Variants in NADSYN1 observed in about 807,000 individuals in gnomAD.
NADSYN1 encodes the protein NAD synthetase 1, also known as glutamine-dependent NAD(+) synthetase.
Under a neutral mutation model 99.3 loss-of-function variants are expected in NADSYN1, and 80 were observed. The ratio of observed to expected loss-of-function variants is 0.81; its 90% CI spans 0.67 to 0.97. The LOEUF is 0.97. NADSYN1 is among the 50% of genes least tolerant of loss of function. The probability of loss-of-function intolerance (pLI) is 0.00; values close to 1 mark genes in which losing one functional copy is unlikely to be tolerated. For synonymous variants in NADSYN1, 385 were observed against 372.1 expected (o/e 1.03, Z -0.40); for missense variants, 859 against 948.5 (o/e 0.91, Z 1.24).
chr11:71,491,072 TC>T, intron 17 of NADSYN1, 96 bp downstream of exon 17: 2 of 1,511,942 alleles, frequency 1.3e-6, no homozygotes, highest in Non-Finnish European at 1.8e-6. Flanking sequence ...CCTTCGTAGC[TC>T]CTGTTGCCTG....
chr11:71,476,592 G>A (rs1949667758), intron 9 of NADSYN1: 2 of 940,182 alleles, frequency 2.1e-6, no homozygotes, highest in South Asian at 4.7e-5. Context: ...TCGACTCCAG[G>A]CCCTGCTTTC....
At chr11:71,453,420 G>T (rs776839115) in intron 1 of NADSYN1, 39 bp downstream of exon 1, 19 of 1,567,286 alleles carry the variant, frequency 1.2e-5, no homozygotes, top group Non-Finnish European at 1.7e-5. Context: ...TTGGGGTGGC[G>T]CACGGGCACC....
Position 71,455,147 on chromosome 11 carries a change from G to C in NADSYN1, c.123G>C (p.Arg41Ser), listed in dbSNP as rs1420224507. The change falls in exon 2 of 21, where the codon AGG becomes AGC. Residue 41 changes from arginine (R) to serine (S), a missense_variant. Physicochemically the swap from Arg to Ser is moderately radical, Grantham distance 110. Transcript: ENST00000319023. ...EIAKNRGARY[R>S]LGPELEICGY... ...CCAAAAACAGAGGAGCAAGATACAGGCTTGGACCAGAGCTGGAAATATGGT... is the reference window on the plus strand; with the variant it reads ...CCAAAAACAGAGGAGCAAGATACAGCCTTGGACCAGAGCTGGAAATATGGT... The C allele has an allele frequency of 1.9e-6, 3 of 1,613,888 alleles. No individual in the cohort carries two copies.
At chr11:71,490,578 G>A (rs1247078611) in intron 16 of NADSYN1, among the ~76,000 whole-genome samples, 1 of 152,188 alleles carries the variant, frequency 6.6e-6, no homozygotes, top group Non-Finnish European at 1.5e-5. Flanking sequence ...CCTCAGCTCT[G>A]TTCAGACGAC....
intron 10 of NADSYN1, 119 bp downstream of exon 10, chr11:71,478,588 G>A: frequency 1.1e-6 from 1 of 908,294 alleles, no homozygotes; most frequent in South Asian, 1.4e-5. Flanking sequence ...TGACAGGGAA[G>A]TTCCGGACTT....
intron 14 of NADSYN1, among the ~76,000 whole-genome samples, chr11:71,483,630 C>T (rs1461454257): frequency 1.3e-5 from 2 of 152,178 alleles, no homozygotes; most frequent in African/African-American, 4.8e-5. Flanking sequence ...AGCTCCCCAT[C>T]CTGTTTGTTG....
At chr11:71,459,539 C>A in intron 3 of NADSYN1, 1 of 156,408 alleles carries the variant, frequency 6.4e-6, no homozygotes, top group Non-Finnish European at 1.4e-5. Flanking sequence ...GGATGCTGTG[C>A]TGGAGTCTGT....
In NADSYN1 at chr11:71,482,123, A is replaced by G. The variant is rs971209320; in HGVS notation, c.1150+98A>G. The G allele has an allele frequency of 1.4e-4, 148 of 1,086,994 alleles. 2 individuals are homozygous for G. Among genetic ancestry groups the G allele is most frequent in the Non-Finnish European group, 4.1e-6 (3 of 739,048 alleles). The allele number at this position is 1,086,994 out of a possible 1,614,324, so 67.3% of individuals were successfully genotyped here. A position where few individuals can be genotyped will look rare whatever the true frequency, so the allele number is the denominator to read the frequency against. On this transcript the variant is annotated intron_variant, in intron 13 of 20. Coordinates refer to ENST00000319023, the MANE Select transcript of NADSYN1 (RefSeq NM_018161.5). ...AGGGGGCAGAGGAAACACCCGTGCC[A>G]TGGACATCGGGGTGAAGGGGGCTTT...
intron 5 of NADSYN1, among the ~76,000 whole-genome samples, chr11:71,466,981 T>C (rs1172412547): frequency 2.0e-5 from 3 of 150,614 alleles, no homozygotes; most frequent in African/African-American, 7.3e-5. Context: ...GGTGGGGGGG[T>C]GGGCAGGAGA....
intron 5 of NADSYN1, 62 bp from the exon 6 acceptor site, chr11:71,472,387 G>C (rs2120439997): frequency 1.5e-6 from 2 of 1,370,424 alleles, no homozygotes; most frequent in South Asian, 2.3e-5. Flanking sequence ...TTTAAATGTA[G>C]CCGCCATTCC....
intron 9 of NADSYN1, chr11:71,475,144 C>T (rs936719663): frequency 5.5e-5 from 9 of 164,976 alleles, no homozygotes; most frequent in East Asian, 1.7e-4. Context: ...GGCTCCATGG[C>T]CCCTGAGACA....
chr11:71,458,759 T>C, intron 3 of NADSYN1: 1 of 529,250 alleles, frequency 1.9e-6, no homozygotes, highest in East Asian at 3.2e-5. Flanking sequence ...GCAGGATGTG[T>C]CAGTTCTTCC....
intron 16 of NADSYN1, among the ~76,000 whole-genome samples, chr11:71,486,796 CTTTTTTTTTTTTT>C (rs57662255): frequency 6.6e-5 from 4 of 60,968 alleles, no homozygotes; most frequent in Non-Finnish European, 1.1e-4. Flanking sequence ...GCGTGAGTGT[CTTTTTTTTTTTTT>C]TTTTTTTTTT....
At chr11:71,464,219 G>A (rs1949572361) in intron 5 of NADSYN1, 77 bp downstream of exon 5, 1 of 1,212,088 alleles carries the variant, frequency 8.3e-7, no homozygotes, top group Non-Finnish European at 1.2e-6. Context: ...CCTGATCATG[G>A]GAGTGTTACC....
chr11:71,460,582 T>G (rs559186263), intron 3 of NADSYN1: 1 of 152,272 alleles, frequency 6.6e-6, no homozygotes, highest in South Asian at 2.1e-4. Flanking sequence ...TCTTTTTGGG[T>G]TTTGCCTTTT....
rs757178592 is a variant in NADSYN1 at position 71,474,379 on chromosome 11, G to A, written c.667-16G>A. On this transcript the variant is annotated splice_polypyrimidine_tract_variant and intron_variant, in intron 8 of 20. Coordinates refer to ENST00000319023, the MANE Select transcript of NADSYN1 (RefSeq NM_018161.5). Reference sequence around the variant, plus strand: ...GACACAGCTGACCACTCCGCTATGGGGTCCTCCTTTTTCAGAACGGTGGGA... The same window carrying A: ...GACACAGCTGACCACTCCGCTATGGAGTCCTCCTTTTTCAGAACGGTGGGA... 1.1e-5 allele frequency: 17 copies of A among 1,613,924 alleles called. No homozygotes were observed. Among genetic ancestry groups the A allele is most frequent in the Admixed American group, 1.7e-5 (1 of 60,010 alleles).
intron 3 of NADSYN1, 73 bp downstream of exon 3, chr11:71,458,617 G>A (rs893802421): frequency 3.0e-5 from 31 of 1,045,498 alleles, no homozygotes; most frequent in South Asian, 1.0e-4. Flanking sequence ...CCACCCAACC[G>A]GCCTCCATCC....
chr11:71,487,137 T>G (rs1438873262), intron 16 of NADSYN1, among the ~76,000 whole-genome samples: 1 of 152,204 alleles, frequency 6.6e-6, no homozygotes, highest in Non-Finnish European at 1.5e-5. Flanking sequence ...AAAACTGATT[T>G]TTTATTTTTA....
chr11:71,453,738 A>G (rs1349936086), intron 1 of NADSYN1, among the ~76,000 whole-genome samples: 1 of 152,158 alleles, frequency 6.6e-6, no homozygotes, highest in African/African-American at 2.4e-5. Context: ...ATGGCTGCGC[A>G]CTGGCGGGGA....
Sources: allele counts gnomAD v4.1 joint callset (sites outside exome capture counted in the v4.1 genomes callset), GRCh38; gene constraint gnomAD v4.1.1; transcripts MANE v1.5; gene names NCBI Gene and HGNC (gene_info 2026-07-23, HGNC 2026-07-21).